Variants in KIRREL3 observed in about 807,000 individuals in gnomAD.
KIRREL3 encodes kirre like nephrin family adhesion molecule 3.
In KIRREL3, 36 loss-of-function variants were observed where a neutral mutation model predicts 89.7. The observed-to-expected ratio is 0.40, with a 90% confidence interval of 0.31 to 0.53. KIRREL3 has a LOEUF of 0.53. KIRREL3 is among the 20% of genes least tolerant of loss of function. KIRREL3 has a pLI of 0.49. For missense variants in KIRREL3, 864 were observed against 1,056.6 expected, an observed-to-expected ratio of 0.82 and a Z score of 2.53; for synonymous variants, 445 against 441.4, an observed-to-expected ratio of 1.01 and a Z score of -0.10.
At position 126,445,986 on chromosome 11, in the gene KIRREL3, T is replaced by G. The variant is rs895623917; in HGVS notation, c.1125+773A>C. Among the ~76,000 whole-genome samples the G allele has an allele frequency of 7.9e-5, 12 of 152,164 alleles. 1 individual carries two copies. The highest frequency in any genetic ancestry group is 7.8e-4 in the Admixed American group (12 of 15,288). On this transcript the variant is annotated intron_variant, in intron 9 of 16. Coordinates refer to ENST00000525144, the MANE Select transcript of KIRREL3 (RefSeq NM_032531.4). ...CAACATGGAGAAACCCTGTCTCTAC[T>G]AAAAATACAAAATTAGCTGGGCGTG...
chr11:127,001,235 C>CG (rs1436498259), upstream of KIRREL3: 1 of 123,530 alleles, frequency 8.1e-6, no homozygotes, highest in East Asian at 2.5e-4. Context: ...ATGTGTGCAG[C>CG]GGGAGGCTCG....
rs543177642 is a variant in KIRREL3 at position 126,783,392 on chromosome 11, G to A, written c.55+217063C>T. On this transcript the variant is annotated intron_variant, in intron 1 of 16. Coordinates refer to ENST00000525144, the MANE Select transcript of KIRREL3 (RefSeq NM_032531.4). The surrounding 1 kb of genome is among the most constrained non-coding windows in gnomAD (Gnocchi z 4.3). ...GACTTCATCCTAACTAGTGACACCT[G>A]CAATATCCCTGCTTCAAAATAAGGT... 6.6e-6 allele frequency among the ~76,000 whole-genome samples: 1 copy of A among 152,250 alleles called. No homozygotes were observed. The highest frequency in any genetic ancestry group is 2.1e-4 in the South Asian group (1 of 4,808).
At chr11:126,801,670 T>C (rs1247827018) in intron 1 of KIRREL3, among the ~76,000 whole-genome samples, 3 of 152,200 alleles carry the variant, frequency 2.0e-5, no homozygotes, top group African/African-American at 4.8e-5. Flanking sequence ...GTCTGTGAGA[T>C]GGAACTGTTA....
At chr11:126,937,864 A>G (rs1020514339) in intron 1 of KIRREL3, among the ~76,000 whole-genome samples, 1 of 152,152 alleles carries the variant, frequency 6.6e-6, no homozygotes, top group African/African-American at 2.4e-5. Context: ...GCACCACTGC[A>G]CTCCAGCCTG....
Position 126,965,003 on chromosome 11 carries a change from C to T in KIRREL3, c.55+35452G>A, listed in dbSNP as rs1949220267. Among the ~76,000 whole-genome samples, 1 of 152,136 alleles carries T rather than the reference C, an allele frequency of 6.6e-6. No homozygotes were observed. The highest frequency in any genetic ancestry group is 2.1e-4 in the South Asian group (1 of 4,828). The stretch of plus-strand genomic sequence containing the variant: ...TACTTTCCAAACATTCATTAAAGTG[C>T]ACCTCCCTCTAGCAGATGCATAAAA... On this transcript the variant is annotated intron_variant, in intron 1 of 16. Transcript: ENST00000525144. This position sits in a 1 kb window ranked among gnomAD's most constrained non-coding sequence, Gnocchi z 4.4.
At chr11:126,426,699 T>C (rs530151928) in intron 15 of KIRREL3, among the ~76,000 whole-genome samples, 12 of 152,332 alleles carry the variant, frequency 7.9e-5, no homozygotes, top group African/African-American at 2.9e-4. Context: ...TTGCACGGTA[T>C]AGGTAGTAGG....
intron 2 of KIRREL3, among the ~76,000 whole-genome samples, chr11:126,533,657 G>A (rs942817872): frequency 6.6e-6 from 1 of 152,126 alleles, no homozygotes; most frequent in Non-Finnish European, 1.5e-5. Flanking sequence ...TCACCATTTG[G>A]ACTGGACAAG....
chr11:126,591,442 C>T (rs1257232119), intron 1 of KIRREL3, among the ~76,000 whole-genome samples: 1 of 152,186 alleles, frequency 6.6e-6, no homozygotes, highest in Admixed American at 6.5e-5. Flanking sequence ...GTTATAACAG[C>T]CAGGGCATTA....
At chr11:126,921,522 T>C (rs1947290259) in intron 1 of KIRREL3, among the ~76,000 whole-genome samples, 1 of 149,350 alleles carries the variant, frequency 6.7e-6, no homozygotes, top group Non-Finnish European at 1.5e-5. Context: ...TCTATCTATC[T>C]GTCTGTCTGT....
chr11:126,923,187 C>CTTCTCTTCTTCT (rs1555090325), intron 1 of KIRREL3, among the ~76,000 whole-genome samples: 1 of 23,844 alleles, frequency 4.2e-5, no homozygotes, highest in Non-Finnish European at 7.4e-5. Context: ...TCTTCTTCTT[C>CTTCTCTTCTTCT]TCTTCTTCTT....
intron 1 of KIRREL3, among the ~76,000 whole-genome samples, chr11:126,785,449 C>T (rs1200574321): frequency 6.6e-6 from 1 of 152,118 alleles, no homozygotes; most frequent in East Asian, 1.9e-4. Flanking sequence ...TGATATGAAG[C>T]GTTCCAGGGG....
intron 1 of KIRREL3, among the ~76,000 whole-genome samples, chr11:126,746,679 G>A (rs538746236): frequency 6.6e-6 from 1 of 152,120 alleles, no homozygotes; most frequent in Admixed American, 6.5e-5. Flanking sequence ...ATGATCAGGT[G>A]TATCTCTATG....
chr11:126,936,607 C>G (rs923177002), intron 1 of KIRREL3: 1 of 148,716 alleles, frequency 6.7e-6, no homozygotes, highest in Admixed American at 6.7e-5. Context: ...ATGCATGCTA[C>G]TACACGGATG....
rs1360559270 is a variant in KIRREL3, at chr11:126,768,921, G to A, written c.56-206009C>T. ...TCCCACATGCGTGGGAGCCGGTGAA[G>A]TGTTGTAAGCAGAGAAGTAACATGA... On this transcript the variant is annotated intron_variant, in intron 1 of 16. Transcript: ENST00000525144. The surrounding 1 kb of genome is among the most constrained non-coding windows in gnomAD (Gnocchi z 4.5). Among the ~76,000 whole-genome samples the A allele has an allele frequency of 6.6e-6, 1 of 152,232 alleles. No individual in the cohort carries two copies. The highest frequency in any genetic ancestry group is 1.5e-5 in the Non-Finnish European group (1 of 68,032).
At chr11:126,829,167 T>A (rs893428606) in intron 1 of KIRREL3, among the ~76,000 whole-genome samples, 2 of 152,078 alleles carry the variant, frequency 1.3e-5, no homozygotes, top group African/African-American at 4.8e-5. Context: ...AGGAGCAAGA[T>A]GGAAACAGGA....
intron 1 of KIRREL3, among the ~76,000 whole-genome samples, chr11:126,725,535 G>A (rs976939815): frequency 1.3e-5 from 2 of 152,186 alleles, no homozygotes; most frequent in African/African-American, 2.4e-5. Flanking sequence ...GTTTGCCCCC[G>A]CTCATCCCCA....
chr11:126,515,756 G>A lies in KIRREL3; in HGVS notation c.433+5559C>T, dbSNP rs1252181334. 1.3e-5 allele frequency among the ~76,000 whole-genome samples: 2 copies of A among 152,180 alleles called. No homozygotes were observed. The highest frequency in any genetic ancestry group is 4.8e-5 in the African/African-American group (2 of 41,450). ...CGGGGGGCCTTGTGTGGCCTGGCAG[G>A]GAGCTTGGGTTTTGTTCTGTGGGGA... On this transcript the variant is annotated intron_variant, in intron 4 of 16. Coordinates refer to ENST00000525144, the MANE Select transcript of KIRREL3 (RefSeq NM_032531.4). This position sits in a 1 kb window ranked among gnomAD's most constrained non-coding sequence, Gnocchi z 4.2.
intron 1 of KIRREL3, among the ~76,000 whole-genome samples, chr11:126,698,601 C>T (rs1354578497): frequency 3.9e-5 from 6 of 152,196 alleles, no homozygotes; most frequent in Non-Finnish European, 7.3e-5. Context: ...TTTAGAGTGT[C>T]TTAGGTGTCA....
intron 1 of KIRREL3, among the ~76,000 whole-genome samples, chr11:126,937,484 G>T (rs1051485884): frequency 6.6e-6 from 1 of 152,234 alleles, no homozygotes; most frequent in East Asian, 1.9e-4. Context: ...TCAAGGACAC[G>T]TGAGCATACA....
Sources: gnomAD v4.1 joint callset for allele counts (sites outside exome capture counted in the v4.1 genomes callset) on GRCh38, gnomAD v4.1.1 for gene constraint, Gnocchi (gnomAD v3.1) non-coding constraint, MANE v1.5 for transcripts, NCBI Gene and HGNC (gene_info 2026-07-23, HGNC 2026-07-21) for gene names.